The following GMDS variants were observed in gnomAD, a reference collection of about 807,000 sequenced individuals.
GMDS encodes GDP-mannose 4,6 dehydratase.
In GMDS, 20 loss-of-function variants were observed where a neutral mutation model predicts 49.9. The observed-to-expected ratio is 0.40, with a 90% CI of 0.28 to 0.58. The LOEUF is 0.58. Ranked by LOEUF, GMDS falls within the 20% of genes least tolerant of loss-of-function variation. The probability of loss-of-function intolerance (pLI) is 0.42; values close to 1 mark genes in which losing one functional copy is unlikely to be tolerated. For missense variants in GMDS, 362 were observed against 481.4 expected (o/e 0.75, Z 2.32); for synonymous variants, 177 against 178.6 (o/e 0.99, Z 0.07).
At chr6:1,717,911 C>T (rs1380189534) in intron 9 of GMDS, among the ~76,000 whole-genome samples, 1 of 152,190 alleles carries the variant, frequency 6.6e-6, no homozygotes, top group East Asian at 1.9e-4. Context: ...TCTGCTTGCC[C>T]CCTGAAACTC....
At chr6:1,758,808 C>T (rs6914504) in intron 7 of GMDS, among the ~76,000 whole-genome samples, 1,630 of 152,310 alleles carry the variant, frequency 0.011, 22 homozygotes, top group African/African-American at 0.037. Context: ...CGGTGGCTCA[C>T]GCCTGTAATC....
At chr6:1,757,402 G>A (rs1016287760) in intron 7 of GMDS, among the ~76,000 whole-genome samples, 5 of 152,174 alleles carry the variant, frequency 3.3e-5, no homozygotes, top group African/African-American at 1.2e-4. Context: ...ACCTGGGTAA[G>A]CCATTCTAGA....
At chr6:1,681,094 T>A (rs1235737079) in intron 9 of GMDS, among the ~76,000 whole-genome samples, 3 of 151,354 alleles carry the variant, frequency 2.0e-5, no homozygotes, top group African/African-American at 7.3e-5. Flanking sequence ...CACAACACAC[T>A]CATACACATA....
intron 9 of GMDS, among the ~76,000 whole-genome samples, chr6:1,687,529 C>T (rs1254965410): frequency 6.6e-6 from 1 of 152,084 alleles, no homozygotes; most frequent in Non-Finnish European, 1.5e-5. Context: ...AGCAGGCCAT[C>T]AGCAAGCTCC....
intron 7 of GMDS, among the ~76,000 whole-genome samples, chr6:1,803,142 T>C (rs1333858493): frequency 6.6e-6 from 1 of 152,264 alleles, no homozygotes; most frequent in Non-Finnish European, 1.5e-5. Context: ...CATAGTGTTA[T>C]GGCAAATTTC....
At chr6:2,064,510 C>T (rs1253591430) in intron 4 of GMDS, among the ~76,000 whole-genome samples, 1 of 152,220 alleles carries the variant, frequency 6.6e-6, no homozygotes, top group African/African-American at 2.4e-5. Flanking sequence ...CTGACAGAGA[C>T]ATTGTGTCCA....
intron 9 of GMDS, among the ~76,000 whole-genome samples, chr6:1,709,315 G>A (rs1176061034): frequency 6.6e-6 from 1 of 152,218 alleles, no homozygotes; most frequent in Non-Finnish European, 1.5e-5. Context: ...GTGACCCAGT[G>A]CACGTGATCT....
chr6:1,718,516 T>C (rs1016291686), intron 9 of GMDS, among the ~76,000 whole-genome samples: 3 of 152,136 alleles, frequency 2.0e-5, no homozygotes, highest in African/African-American at 7.2e-5. Flanking sequence ...CTGGCACCTG[T>C]CACTGTTTCT....
chr6:2,044,164 A>C (rs1769853906), intron 4 of GMDS, among the ~76,000 whole-genome samples: 1 of 152,238 alleles, frequency 6.6e-6, no homozygotes, highest in Non-Finnish European at 1.5e-5. Flanking sequence ...CAATTCCTCA[A>C]AGAACTAAAA....
At chr6:1,831,669 T>A (rs1756651395) in intron 7 of GMDS, among the ~76,000 whole-genome samples, 1 of 152,218 alleles carries the variant, frequency 6.6e-6, no homozygotes, top group Non-Finnish European at 1.5e-5. Context: ...AGGTTTTTTA[T>A]AAAATCTTGA....
chr6:1,736,480 A>G (rs895527379), intron 8 of GMDS, among the ~76,000 whole-genome samples: 1 of 152,210 alleles, frequency 6.6e-6, no homozygotes, highest in Non-Finnish European at 1.5e-5. Flanking sequence ...GTCTCTCCAG[A>G]AAGTTCTCAT....
At chr6:1,957,106 T>G (rs1763682270) in intron 6 of GMDS, among the ~76,000 whole-genome samples, 1 of 152,192 alleles carries the variant, frequency 6.6e-6, no homozygotes, top group African/African-American at 2.4e-5. Flanking sequence ...CCCGGCCCAT[T>G]TATTAGCTTT....
intron 9 of GMDS, among the ~76,000 whole-genome samples, chr6:1,684,391 A>G (rs62388277): frequency 0.35 from 52,687 of 152,070 alleles, 9,521 homozygotes; most frequent in East Asian, 0.49. Context: ...CACACAAACC[A>G]GGAATGCAAA....
At chr6:2,182,296 A>G (rs950728661) in intron 1 of GMDS, among the ~76,000 whole-genome samples, 1 of 152,252 alleles carries the variant, frequency 6.6e-6, no homozygotes, top group African/African-American at 2.4e-5. Flanking sequence ...CCATAACATG[A>G]AAGTGTAAGC....
At chr6:2,075,545 T>C (rs770562071) in intron 4 of GMDS, among the ~76,000 whole-genome samples, 1 of 152,230 alleles carries the variant, frequency 6.6e-6, no homozygotes, top group African/African-American at 2.4e-5. Context: ...CTGAGAATGA[T>C]GGTTTCCATC....
At chr6:2,126,713 C>A (rs545905141) in intron 1 of GMDS, among the ~76,000 whole-genome samples, 1 of 152,294 alleles carries the variant, frequency 6.6e-6, no homozygotes, top group African/African-American at 2.4e-5. Flanking sequence ...TGGCTCACTG[C>A]AACCTCTGCC....
chr6:1,966,777 C>T (rs970556383), intron 4 of GMDS, among the ~76,000 whole-genome samples: 2 of 152,340 alleles, frequency 1.3e-5, no homozygotes, highest in Admixed American at 1.3e-4. Flanking sequence ...CCCATGGCCC[C>T]TCCCTGTCTG....
chr6:1,985,397 A>C (rs1346839676), intron 4 of GMDS, among the ~76,000 whole-genome samples: 4 of 152,214 alleles, frequency 2.6e-5, no homozygotes, highest in African/African-American at 9.6e-5. Context: ...TTTTTTTTAA[A>C]AAGAACATTA....
At chr6:1,784,818 T>C (rs1769256091) in intron 7 of GMDS, among the ~76,000 whole-genome samples, 1 of 152,248 alleles carries the variant, frequency 6.6e-6, no homozygotes, top group Non-Finnish European at 1.5e-5. Flanking sequence ...TAAAGTGCAC[T>C]GATGTCATTC....
Sources: allele counts gnomAD v4.1 joint callset (sites outside exome capture counted in the v4.1 genomes callset), GRCh38; gene constraint gnomAD v4.1.1; transcripts MANE v1.5; gene names NCBI Gene and HGNC (gene_info 2026-07-23, HGNC 2026-07-21).